OR4N2: variants seen among roughly 807,000 people sequenced by gnomAD.
The protein encoded by OR4N2 is olfactory receptor family 4 subfamily N member 2, also known as olfactory receptor 4N2.
For synonymous variants in OR4N2, 141 were observed against 140.4 expected, an observed-to-expected ratio of 1.00 and a Z score of -0.03; for missense variants, 307 against 377.6, an observed-to-expected ratio of 0.81 and a Z score of 1.55.
rs761459693 is a variant in OR4N2 at position 19,827,543 on chromosome 14, T to C, written c.95T>C (p.Leu32Ser). The change falls in exon 2 of 2, where the codon TTA becomes TCA. Residue 32 changes from leucine (L) to serine (S), a missense_variant. Coordinates refer to ENST00000557677, the MANE Select transcript of OR4N2 (RefSeq NM_001004723.3). ...CAGCTCCTGGTCTTTGTGCTAGTTT[T>C]AATATTCTACTTCATCATCCTCCCT... ...DIQLLVFVLVLIFYFIILPGN... is the reference protein window; with the variant it reads ...DIQLLVFVLVSIFYFIILPGN... 4.8e-5 allele frequency: 77 copies of C among 1,614,100 alleles called. 1 individual carries two copies. The South Asian group carries it at 8.3e-4, about 17-fold the overall frequency.
In OR4N2 at chr14:19,814,098, C is replaced by G. The variant is rs185421102; in HGVS notation, c.-10+10254C>G. On this transcript the variant is annotated intron_variant, in intron 1 of 1. Transcript: ENST00000557677. Reference sequence around the variant, plus strand: ...TTCTTATTTCACTTGTAAAGTGACCCATAAACTCAGTGTTTTCTCTAAAGC... The same window carrying G: ...TTCTTATTTCACTTGTAAAGTGACCGATAAACTCAGTGTTTTCTCTAAAGC... Among the ~76,000 whole-genome samples the G allele has an allele frequency of 2.1e-3, 313 of 151,976 alleles. 4 individuals carry two copies. Among genetic ancestry groups the G allele is most frequent in the Admixed American group, 0.02 (305 of 15,236 alleles).
chr14:19,825,730 G>A lies in OR4N2; in HGVS notation c.-9-1710G>A, dbSNP rs1227482439. Among the ~76,000 whole-genome samples the A allele has an allele frequency of 3.3e-5, 5 of 152,012 alleles. No individual in the cohort carries two copies. The South Asian group carries it at 8.3e-4, about 25-fold the overall frequency. ...ACCACCACGTCCAGCTAATTTTTTT[G>A]TATTTTTTTAGTAGAGATAGGGTTT... On this transcript the variant is annotated intron_variant, in intron 1 of 1. Transcript: ENST00000557677.
chr14:19,825,835 G>A (rs1438038030), intron 1 of OR4N2, among the ~76,000 whole-genome samples: 1 of 152,192 alleles, frequency 6.6e-6, no homozygotes, highest in African/African-American at 2.4e-5. Flanking sequence ...TGGGATTACA[G>A]GCATGAGTCA....
rs1192410679 is a variant in OR4N2, at chr14:19,828,319, A to G, written c.871A>G (p.Asn291Asp). ...LLNPVIYTLRNQEVKASMKKV... is the reference protein window; with the variant it reads ...LLNPVIYTLRDQEVKASMKKV... Reference sequence around the variant, plus strand: ...GAATCCTGTCATTTATACCCTTCGCAACCAGGAAGTGAAAGCTTCCATGAA... The same window carrying G: ...GAATCCTGTCATTTATACCCTTCGCGACCAGGAAGTGAAAGCTTCCATGAA... The change falls in exon 2 of 2, where the codon AAC (asparagine) becomes GAC (aspartate). Residue 291 changes from asparagine (N) to aspartate (D), a missense_variant. Transcript: ENST00000557677. The G allele has an allele frequency of 1.9e-6, 3 of 1,614,036 alleles. No individual in the cohort carries two copies. The African/African-American group carries it at 4.0e-5, about 22-fold the overall frequency.
At chr14:19,823,629 G>C (rs1374098572) in intron 1 of OR4N2, among the ~76,000 whole-genome samples, 1 of 152,128 alleles carries the variant, frequency 6.6e-6, no homozygotes, top group Non-Finnish European at 1.5e-5. Flanking sequence ...GAAAAGTGGA[G>C]AGAGTGAAAA....
At chr14:19,815,665 T>TG (rs1425610281) in intron 1 of OR4N2, among the ~76,000 whole-genome samples, 2 of 151,336 alleles carry the variant, frequency 1.3e-5, no homozygotes, top group Non-Finnish European at 2.9e-5. Context: ...GTTTTTTTTT[T>TG]TTTTGTTTTT....
chr14:19,807,600 A>C (rs770793644), intron 1 of OR4N2, among the ~76,000 whole-genome samples: 36 of 152,060 alleles, frequency 2.4e-4, no homozygotes, highest in Non-Finnish European at 4.0e-4. Flanking sequence ...AAAAAAGCCT[A>C]TGAACCAAAG....
intron 1 of OR4N2, among the ~76,000 whole-genome samples, chr14:19,814,901 TAA>T (rs1879387438): frequency 6.6e-6 from 1 of 152,222 alleles, no homozygotes; most frequent in African/African-American, 2.4e-5. Flanking sequence ...AACTCCCACT[TAA>T]GAGTGAGAAC....
chr14:19,810,466 A>C (rs1458607657), intron 1 of OR4N2, among the ~76,000 whole-genome samples: 1 of 152,274 alleles, frequency 6.6e-6, no homozygotes, highest in African/African-American at 2.4e-5. Context: ...ATTATCATTT[A>C]ACCTAGCAAT....
rs768765567 is a variant in OR4N2 at position 19,828,058 on chromosome 14, G to A, written c.610G>A (p.Gly204Ser). The stretch of plus-strand genomic sequence containing the variant: ...GGAGCTTCTGATGGTCTTCAACAGT[G>A]GCCTGATGACACTCCTGTGCTTTCT... Reference protein sequence around the residue: ...VVELLMVFNSGLMTLLCFLGL... With the variant: ...VVELLMVFNSSLMTLLCFLGL... The change falls in exon 2 of 2, where the codon GGC becomes AGC. Residue 204 changes from glycine (G) to serine (S), a missense_variant. Physicochemically the swap from Gly to Ser is moderately conservative, Grantham distance 56. Transcript: ENST00000557677. The A allele has an allele frequency of 8.5e-5, 137 of 1,614,192 alleles. No individual in the cohort carries two copies. The highest frequency in any genetic ancestry group is 4.2e-4 in the East Asian group (19 of 44,890).
rs201093900 is a variant in OR4N2 at position 19,827,790 on chromosome 14, C to T, written c.342C>T (p.Leu114=). 38 of 1,614,128 alleles carry T rather than the reference C, an allele frequency of 2.4e-5. No individual in the cohort carries two copies. Among genetic ancestry groups the T allele is most frequent in the Non-Finnish European group, 8.5e-6 (10 of 1,180,050 alleles). ...LHFLGGGEGL[L]LVVMAFDRYI... Reference sequence around the variant, plus strand: ...TCCTTGGAGGAGGGGAGGGATTACTCCTTGTTGTGATGGCCTTTGACCGCT... The same window carrying T: ...TCCTTGGAGGAGGGGAGGGATTACTTCTTGTTGTGATGGCCTTTGACCGCT... The change falls in exon 2 of 2, where the codon CTC becomes CTT. Residue 114 remains leucine, a synonymous_variant. Transcript: ENST00000557677.
At chr14:19,816,509 G>T (rs1218967958) in intron 1 of OR4N2, among the ~76,000 whole-genome samples, 19 of 152,182 alleles carry the variant, frequency 1.2e-4, no homozygotes, top group South Asian at 6.2e-4. Context: ...TATTAATGGT[G>T]TATAGGAATG....
Position 19,829,740 on chromosome 14 carries a change from A to AC in OR4N2, c.*1372dup, listed in dbSNP as rs1879819851. 6.6e-6 allele frequency: 1 copy of AC among 152,238 alleles called. No individual in the cohort carries two copies. 9.4% of individuals were successfully genotyped at this position (152,238 alleles called of 1,614,324 possible). ...ATGGGCAGCATCCAAAACATCTGGA[A>AC]CCCCAAATGCAAGGGGGTCAAAAAT... On this transcript the variant is annotated 3_prime_UTR_variant, in exon 2 of 2. Coordinates refer to ENST00000557677, the MANE Select transcript of OR4N2 (RefSeq NM_001004723.3).
chr14:19,806,506 A>G (rs1221233919), intron 1 of OR4N2, among the ~76,000 whole-genome samples: 5 of 152,220 alleles, frequency 3.3e-5, no homozygotes, highest in African/African-American at 7.2e-5. Context: ...AAAGGGTTCA[A>G]TTCAACAAGA....
intron 1 of OR4N2, among the ~76,000 whole-genome samples, chr14:19,819,308 A>C: frequency 6.6e-6 from 1 of 152,298 alleles, no homozygotes; most frequent in East Asian, 1.9e-4. Context: ...TCTCCCCGTC[A>C]CTTTCAGGTA....
At chr14:19,808,254 A>G (rs1879213384) in intron 1 of OR4N2, among the ~76,000 whole-genome samples, 1 of 152,206 alleles carries the variant, frequency 6.6e-6, no homozygotes, top group Admixed American at 6.5e-5. Context: ...CAAAAGAAAG[A>G]AATAAAAGAC....
chr14:19,825,526 CTTAT>C (rs71108560), intron 1 of OR4N2, among the ~76,000 whole-genome samples: 16,140 of 139,012 alleles, frequency 0.12, 570 homozygotes, highest in East Asian at 0.2. Flanking sequence ...TGCTAGAGCA[CTTAT>C]TTATTTATTT....
chr14:19,812,503 TG>T lies in OR4N2; in HGVS notation c.-10+8660del, dbSNP rs1879326673. Among the ~76,000 whole-genome samples the T allele has an allele frequency of 7.3e-5, 9 of 122,884 alleles. No individual in the cohort carries two copies. The East Asian group carries it at 1.8e-3, about 25-fold the overall frequency. 80.6% of individuals were successfully genotyped at this position (122,884 alleles called of 152,430 possible). On this transcript the variant is annotated intron_variant, in intron 1 of 1. Transcript: ENST00000557677. The stretch of plus-strand genomic sequence containing the variant: ...CGCCACCAAGCCGAGATAATTTTTT[TG>T]TTTGTTTGTTTGTTTGTTTGTTTTT...
At chr14:19,819,622 G>T (rs1879513248) in intron 1 of OR4N2, among the ~76,000 whole-genome samples, 1 of 152,136 alleles carries the variant, frequency 6.6e-6, no homozygotes, top group Non-Finnish European at 1.5e-5. Flanking sequence ...CCTTGCATTG[G>T]GTTAGAACAT....
Sources: allele counts gnomAD v4.1 joint callset (sites outside exome capture counted in the v4.1 genomes callset), GRCh38; gene constraint gnomAD v4.1.1; transcripts MANE v1.5; gene names NCBI Gene and HGNC (gene_info 2026-07-23, HGNC 2026-07-21).